The following DPP6 variants were observed in gnomAD, a reference collection of about 807,000 sequenced individuals.
The protein encoded by DPP6 is dipeptidyl peptidase like 6.
A neutral mutation model predicts 122.6 loss-of-function variants in DPP6; 69 were observed. The ratio of observed to expected loss-of-function variants is 0.56; its 90% CI spans 0.46 to 0.69. The LOEUF is 0.69. Ranked by LOEUF, DPP6 falls within the 30% of genes least tolerant of loss-of-function variation. DPP6 has a pLI of 0.00. For synonymous variants in DPP6, 418 were observed against 433.1 expected (o/e 0.97, Z 0.43); for missense variants, 928 against 1,116.9 (o/e 0.83, Z 2.41).
At chr7:154,055,812 G>A (rs1190619741) in intron 1 of DPP6, 2 of 152,214 alleles carry the variant, frequency 1.3e-5, no homozygotes, top group Non-Finnish European at 2.9e-5. Flanking sequence ...TCTCTGGCTT[G>A]TCAGGGAAGA....
At chr7:154,701,123 T>C (rs542331694) in intron 7 of DPP6, among the ~76,000 whole-genome samples, 9 of 152,278 alleles carry the variant, frequency 5.9e-5, no homozygotes, top group African/African-American at 1.9e-4. Flanking sequence ...TCCTCCAGGA[T>C]CCTCCTGGAG....
intron 1 of DPP6, among the ~76,000 whole-genome samples, chr7:154,263,041 C>G (rs1803141477): frequency 6.6e-6 from 1 of 152,180 alleles, no homozygotes; most frequent in Admixed American, 6.5e-5. Context: ...CGTAATACTT[C>G]AATAAAATCT....
intron 1 of DPP6, among the ~76,000 whole-genome samples, chr7:154,111,002 A>G (rs1806530056): frequency 2.6e-5 from 4 of 152,150 alleles, no homozygotes; most frequent in Admixed American, 2.6e-4. Context: ...AAAGACCTGA[A>G]TGTATCTGCT....
At chr7:154,077,815 C>T (rs1803677653) in intron 1 of DPP6, among the ~76,000 whole-genome samples, 1 of 151,794 alleles carries the variant, frequency 6.6e-6, no homozygotes, top group Non-Finnish European at 1.5e-5. Flanking sequence ...AGACTACAGG[C>T]ACGCATCACC....
At chr7:154,656,271 G>A (rs1225313281) in intron 6 of DPP6, among the ~76,000 whole-genome samples, 1 of 8,352 alleles carries the variant, frequency 1.2e-4, no homozygotes, top group Admixed American at 1.4e-3. Flanking sequence ...CTGGGAGAAG[G>A]GGCAGTCGAG....
intron 10 of DPP6, among the ~76,000 whole-genome samples, chr7:154,789,403 A>G (rs1211293878): frequency 6.6e-6 from 1 of 152,212 alleles, no homozygotes; most frequent in Non-Finnish European, 1.5e-5. Context: ...TACAGTGGGG[A>G]AGAGAAAAAC....
chr7:153,916,417 C>CCCTCT (rs1394496330), intron 1 of DPP6, among the ~76,000 whole-genome samples: 4 of 137,660 alleles, frequency 2.9e-5, no homozygotes, highest in Non-Finnish European at 4.7e-5. Context: ...CTCTCTCCTC[C>CCCTCT]CCTCCCCTCC....
chr7:153,801,004 AT>A, the DPP6 span, among the ~76,000 whole-genome samples: 2 of 151,964 alleles, frequency 1.3e-5, no homozygotes, highest in Non-Finnish European at 2.9e-5. Flanking sequence ...TTACATATCA[AT>A]TTTTTAAATT....
upstream of DPP6, among the ~76,000 whole-genome samples, chr7:154,052,239 C>CT (rs1458638630): frequency 2.8e-4 from 43 of 152,030 alleles, no homozygotes; most frequent in Middle Eastern, 3.4e-3. The surrounding 1 kb of genome is among the most constrained non-coding windows in gnomAD (Gnocchi z 4.8). Flanking sequence ...CCCTCGCACC[C>CT]TTTTGTGCGA....
intron 1 of DPP6, among the ~76,000 whole-genome samples, chr7:154,188,395 T>C (rs745971846): frequency 6.6e-6 from 1 of 152,164 alleles, no homozygotes; most frequent in Non-Finnish European, 1.5e-5. Flanking sequence ...ACAGTCCTTA[T>C]CTTAATAAGA....
At chr7:154,409,361 G>A (rs552638748) in intron 1 of DPP6, among the ~76,000 whole-genome samples, 13 of 152,242 alleles carry the variant, frequency 8.5e-5, no homozygotes, top group African/African-American at 2.6e-4. Flanking sequence ...GGCAGAGGCC[G>A]CAGATGAAAA....
chr7:154,313,174 T>C (rs1807055736), intron 1 of DPP6, among the ~76,000 whole-genome samples: 1 of 152,136 alleles, frequency 6.6e-6, no homozygotes, highest in Non-Finnish European at 1.5e-5. Context: ...GATTTTTATT[T>C]TGATAAACAG....
At chr7:153,803,119 C>T in the DPP6 span, among the ~76,000 whole-genome samples, 1 of 151,710 alleles carries the variant, frequency 6.6e-6, no homozygotes, top group Non-Finnish European at 1.5e-5. Context: ...CCGCATCTCT[C>T]CCCTTCTCCA....
chr7:154,038,133 A>G (rs949036858), intron 1 of DPP6, among the ~76,000 whole-genome samples: 2 of 149,268 alleles, frequency 1.3e-5, no homozygotes, highest in African/African-American at 5.1e-5. Context: ...GCCTACCATG[A>G]TTTTGTTACT....
At chr7:153,968,448 A>T (rs1795862055) in intron 1 of DPP6, among the ~76,000 whole-genome samples, 1 of 151,984 alleles carries the variant, frequency 6.6e-6, no homozygotes. Flanking sequence ...TAGATTGTGG[A>T]TATCAGACCT....
chr7:154,581,514 G>C (rs759248094), intron 5 of DPP6, among the ~76,000 whole-genome samples: 1 of 152,196 alleles, frequency 6.6e-6, no homozygotes, highest in Non-Finnish European at 1.5e-5. Flanking sequence ...GGTTTCACAG[G>C]AGGAGAAGCA....
intron 1 of DPP6, among the ~76,000 whole-genome samples, chr7:154,376,710 T>A (rs1214521565): frequency 6.6e-6 from 1 of 152,216 alleles, no homozygotes; most frequent in Non-Finnish European, 1.5e-5. Flanking sequence ...CAGATCTGTC[T>A]ACCCACTGCC....
intron 3 of DPP6, among the ~76,000 whole-genome samples, chr7:154,523,059 A>C (rs1408248890): frequency 1.3e-5 from 2 of 152,122 alleles, no homozygotes; most frequent in Non-Finnish European, 2.9e-5. Context: ...AGTCATTCCC[A>C]AGTGGTGCCT....
At chr7:153,988,712 G>A (rs1199584643) in intron 1 of DPP6, among the ~76,000 whole-genome samples, 3 of 152,252 alleles carry the variant, frequency 2.0e-5, no homozygotes, top group Non-Finnish European at 4.4e-5. Flanking sequence ...TGGAGTTGAA[G>A]AGCTTCTCAG....
Sources: allele counts gnomAD v4.1 joint callset (sites outside exome capture counted in the v4.1 genomes callset), GRCh38; gene constraint gnomAD v4.1.1; non-coding constraint Gnocchi (gnomAD v3.1); transcripts MANE v1.5; gene names NCBI Gene and HGNC (gene_info 2026-07-23, HGNC 2026-07-21).